The following FRMPD4 variants were observed in gnomAD, a reference collection of about 807,000 sequenced individuals.
The protein encoded by FRMPD4 is FERM and PDZ domain-containing protein 4.
Under a neutral mutation model 94.1 loss-of-function variants are expected in FRMPD4, and 22 were observed. That is an observed-to-expected ratio of 0.23 (90% confidence interval 0.17 to 0.33). The LOEUF (loss-of-function observed/expected upper bound fraction) is 0.33. FRMPD4 is among the 10% of genes least tolerant of loss of function. The pLI, the probability that FRMPD4 is intolerant of heterozygous loss-of-function variation, is 1.00. For synonymous variants in FRMPD4, 631 were observed against 548.6 expected (o/e 1.15, Z -2.10); for missense variants, 1,111 against 1,339.9 (o/e 0.83, Z 2.67).
In FRMPD4 at chrX:12,188,633, A is replaced by G. The variant is rs2056453673; in HGVS notation, c.41+49621A>G. 2.7e-5 allele frequency among the ~76,000 whole-genome samples: 3 copies of G among 111,999 alleles called. No individual in the cohort carries two copies. In the Admixed American group the frequency reaches 2.8e-4, roughly 11 times the overall value. On this transcript the variant is annotated intron_variant, in intron 1 of 16. Coordinates refer to ENST00000675598, the MANE Select transcript of FRMPD4 (RefSeq NM_001368397.1). Reference sequence around the variant, plus strand: ...CTAGATTTAAAATATAAATGAGCATATAAACCACAGTTTATTTCAGCAAAA... The same window carrying G: ...CTAGATTTAAAATATAAATGAGCATGTAAACCACAGTTTATTTCAGCAAAA...
At chrX:11,827,090 T>TATATATA (rs2053448556) in intron 1 of FRMPD4, among the ~76,000 whole-genome samples, 1 of 75,220 alleles carries the variant, frequency 1.3e-5, no homozygotes, top group African/African-American at 4.4e-5. Flanking sequence ...ATATATAAAA[T>TATATATA]ATATATGTTC....
chrX:12,524,792 A>G (rs971352242), intron 2 of FRMPD4, among the ~76,000 whole-genome samples: 1 of 111,288 alleles, frequency 9.0e-6, no homozygotes, highest in African/African-American at 3.3e-5. Context: ...TTCTTCTCCA[A>G]TGAGAACCTG....
At chrX:12,101,919 C>T (rs771907264) in intron 3 of FRMPD4, among the ~76,000 whole-genome samples, 10 of 112,134 alleles carry the variant, frequency 8.9e-5, no homozygotes, top group Middle Eastern at 4.6e-3. Context: ...TTTTTATATA[C>T]TGGTGTAGAG....
chrX:12,382,627 G>T (rs780131088), intron 1 of FRMPD4, among the ~76,000 whole-genome samples: 10 of 109,875 alleles, frequency 9.1e-5, no homozygotes, highest in Non-Finnish European at 1.9e-4. Flanking sequence ...GCTGGGTGTT[G>T]CTTACATATG....
intron 2 of FRMPD4, among the ~76,000 whole-genome samples, chrX:11,874,962 G>GGA (rs1226324585): frequency 8.9e-6 from 1 of 112,376 alleles, no homozygotes; most frequent in Non-Finnish European, 1.9e-5. Context: ...ATGGCAGAAG[G>GGA]GAGGAAGGGC....
chrX:11,902,978 A>G (rs1161994398), intron 3 of FRMPD4, among the ~76,000 whole-genome samples: 2 of 111,967 alleles, frequency 1.8e-5, no homozygotes, highest in Admixed American at 9.4e-5. Context: ...TATAGGACTA[A>G]CAGGATTTGC....
rs1555968128 is a variant in FRMPD4 at position 12,450,882 on chromosome X, A to AAAG, written c.42-47797_42-47796insAGA. 1.2e-4 allele frequency among the ~76,000 whole-genome samples: 13 copies of AAAG among 107,121 alleles called. No homozygotes were observed. In the East Asian group the frequency reaches 2.0e-3, roughly 17 times the overall value. 93.0% of individuals were successfully genotyped at this position (107,121 alleles called of 115,157 possible). A position where few individuals can be genotyped will look rare whatever the true frequency, so the allele number is the denominator to read the frequency against. ...TTTATCCAAAAAAAAAAAAAAAAAA[A>AAAG]AGAGAGAGAGAAACAGACTGAGAGA... On this transcript the variant is annotated intron_variant, in intron 1 of 16. Coordinates refer to ENST00000675598, the MANE Select transcript of FRMPD4 (RefSeq NM_001368397.1).
intron 3 of FRMPD4, among the ~76,000 whole-genome samples, chrX:11,894,920 A>G (rs1260981778): frequency 8.9e-6 from 1 of 112,046 alleles, no homozygotes; most frequent in African/African-American, 3.2e-5. Context: ...GTTGCAAATA[A>G]TACGATATGG....
chrX:12,670,153 C>A (rs763640115), intron 4 of FRMPD4, among the ~76,000 whole-genome samples: 2 of 111,968 alleles, frequency 1.8e-5, no homozygotes, highest in South Asian at 7.5e-4. Flanking sequence ...GCCTTATGGG[C>A]CTATTCATTC....
chrX:12,385,823 A>G (rs2056389836), intron 1 of FRMPD4, among the ~76,000 whole-genome samples: 1 of 112,480 alleles, frequency 8.9e-6, no homozygotes, highest in African/African-American at 3.2e-5. Flanking sequence ...ACCCACAAAT[A>G]AAGCAGTCCA....
chrX:12,553,823 A>G (rs1367369807), intron 2 of FRMPD4, among the ~76,000 whole-genome samples: 1 of 111,837 alleles, frequency 8.9e-6, no homozygotes, highest in Non-Finnish European at 1.9e-5. Context: ...TATTTTATAC[A>G]CAATGTGAAT....
intron 3 of FRMPD4, among the ~76,000 whole-genome samples, chrX:11,996,999 AAG>A (rs2054499880): frequency 9.0e-6 from 1 of 111,396 alleles, no homozygotes; most frequent in African/African-American, 3.3e-5. Context: ...ACAGAGTGAA[AAG>A]AGGAAGTGAA....
chrX:12,016,913 C>T (rs766161533), intron 3 of FRMPD4, among the ~76,000 whole-genome samples: 1 of 112,119 alleles, frequency 8.9e-6, no homozygotes, highest in East Asian at 2.8e-4. Flanking sequence ...CCTGGCCTTC[C>T]TTCTCCAGAG....
At chrX:11,883,595 A>G (rs1175009796) in intron 3 of FRMPD4, among the ~76,000 whole-genome samples, 2 of 111,874 alleles carry the variant, frequency 1.8e-5, no homozygotes, top group African/African-American at 6.5e-5. Context: ...ACCCCTATAC[A>G]CTTTGTAAAT....
chrX:12,280,188 A>G (rs1309767225), intron 1 of FRMPD4, among the ~76,000 whole-genome samples: 1 of 109,408 alleles, frequency 9.1e-6, no homozygotes, highest in Non-Finnish European at 1.9e-5. Flanking sequence ...GCCTTAACTG[A>G]TCAGGTTTCT....
At chrX:12,689,047 T>C (rs1308368425) in intron 7 of FRMPD4, among the ~76,000 whole-genome samples, 1 of 111,528 alleles carries the variant, frequency 9.0e-6, no homozygotes, top group Non-Finnish European at 1.9e-5. Flanking sequence ...TCCATGGCAG[T>C]AGTGTCCCCA....
At chrX:12,475,625 C>T (rs1322452762) in intron 1 of FRMPD4, among the ~76,000 whole-genome samples, 2 of 112,076 alleles carry the variant, frequency 1.8e-5, no homozygotes, top group East Asian at 2.8e-4. Context: ...TCTCACGATA[C>T]AAAATCATTG....
At chrX:12,032,606 G>A (rs773131541) in intron 3 of FRMPD4, among the ~76,000 whole-genome samples, 24 of 111,651 alleles carry the variant, frequency 2.1e-4, no homozygotes, top group Non-Finnish European at 3.6e-4. Context: ...GCTGAAAGTC[G>A]ATACCAAACG....
chrX:12,408,929 C>T (rs1235827766), intron 1 of FRMPD4, among the ~76,000 whole-genome samples: 1 of 110,937 alleles, frequency 9.0e-6, no homozygotes, highest in Non-Finnish European at 1.9e-5. Context: ...AGAATATCCC[C>T]CCCTTGGCTA....
Sources: gnomAD v4.1 joint callset for allele counts (sites outside exome capture counted in the v4.1 genomes callset) on GRCh38, gnomAD v4.1.1 for gene constraint, MANE v1.5 for transcripts, NCBI Gene and HGNC (gene_info 2026-07-23, HGNC 2026-07-21) for gene names.